The following COX5A variants were observed in gnomAD, a reference collection of about 807,000 sequenced individuals.
COX5A encodes the protein cytochrome c oxidase subunit 5A, mitochondrial.
In COX5A, 6 loss-of-function variants were observed where a neutral mutation model predicts 16.1. The ratio of observed to expected loss-of-function variants is 0.37; its 90% CI spans 0.20 to 0.73. The LOEUF (loss-of-function observed/expected upper bound fraction) is 0.73. COX5A is among the 30% of genes least tolerant of loss of function. COX5A has a pLI of 0.50. For missense variants in COX5A, 159 were observed against 194.9 expected (o/e 0.82, Z 1.10); for synonymous variants, 73 against 73.8 (o/e 0.99, Z 0.06).
At chr15:74,935,837 G>A (rs994730144) in intron 1 of COX5A, among the ~76,000 whole-genome samples, 7 of 151,788 alleles carry the variant, frequency 4.6e-5, no homozygotes, top group Non-Finnish European at 1.0e-4. Flanking sequence ...TAATCTACCC[G>A]CCACAACCTC....
intron 4 of COX5A, 35 bp downstream of exon 4, chr15:74,923,609 GGATT>G: frequency 8.3e-7 from 1 of 1,210,676 alleles, no homozygotes; most frequent in South Asian, 1.2e-5. Context: ...ACACCTCTCT[GGATT>G]GTTTTCCTGC....
At chr15:74,928,632 A>G (rs575505904) in intron 2 of COX5A, among the ~76,000 whole-genome samples, 1 of 152,218 alleles carries the variant, frequency 6.6e-6, no homozygotes, top group South Asian at 2.1e-4. Flanking sequence ...TGATCCGCCC[A>G]CCCTGGCCTC....
chr15:74,922,804 T>C (rs899841230), intron 4 of COX5A, among the ~76,000 whole-genome samples: 3 of 151,862 alleles, frequency 2.0e-5, no homozygotes, highest in African/African-American at 4.8e-5. Flanking sequence ...TAGCTGGGAC[T>C]ACAGGCACAT....
chr15:74,927,427 G>A (rs970774771), intron 2 of COX5A, among the ~76,000 whole-genome samples: 10 of 151,872 alleles, frequency 6.6e-5, no homozygotes, highest in East Asian at 3.9e-4. Context: ...CACCTGCCTC[G>A]GCCTCCCAAA....
intron 1 of COX5A, among the ~76,000 whole-genome samples, chr15:74,936,713 G>A (rs957443821): frequency 3.0e-5 from 4 of 134,818 alleles, no homozygotes; most frequent in Non-Finnish European, 4.5e-5. Flanking sequence ...TGCAACCTCC[G>A]CCTCTCAGGT....
chr15:74,927,790 C>G (rs543021993), intron 2 of COX5A, among the ~76,000 whole-genome samples: 19 of 151,780 alleles, frequency 1.3e-4, no homozygotes, highest in Non-Finnish European at 2.8e-4. Context: ...ACAAAACAAA[C>G]AAACAAAAAA....
At chr15:74,923,516 A>T (rs2065330819) in intron 4 of COX5A, 132 bp downstream of exon 4, 1 of 527,658 alleles carries the variant, frequency 1.9e-6, no homozygotes, top group Non-Finnish European at 3.4e-6. Flanking sequence ...TGGTATTCTC[A>T]AAATCTCTTC....
chr15:74,925,869 T>C (rs1478616363), intron 3 of COX5A, among the ~76,000 whole-genome samples: 3 of 151,230 alleles, frequency 2.0e-5, no homozygotes, highest in African/African-American at 7.3e-5. Context: ...TAAATTCCTT[T>C]CTTTTTTTTT....
chr15:74,922,080 A>G (rs2065323768), intron 4 of COX5A, among the ~76,000 whole-genome samples: 1 of 152,182 alleles, frequency 6.6e-6, no homozygotes, highest in Admixed American at 6.5e-5. Context: ...CCACTCCGTT[A>G]AAGCAAGCTT....
chr15:74,926,024 C>T (rs2065341564), intron 3 of COX5A, among the ~76,000 whole-genome samples: 1 of 149,952 alleles, frequency 6.7e-6, no homozygotes, highest in South Asian at 2.1e-4. Context: ...TGCCACCATG[C>T]CCAGCTAATT....
chr15:74,924,384 AAAATTTGCTGGGTGTG>A (rs1323398013), intron 3 of COX5A, among the ~76,000 whole-genome samples: 9 of 151,812 alleles, frequency 5.9e-5, no homozygotes, highest in Non-Finnish European at 1.3e-4. Context: ...TAAAAATACA[AAAATTTGCTGGGTGTG>A]GTGGCACGCC....
At chr15:74,926,001 G>A (rs1158360000) in intron 3 of COX5A, among the ~76,000 whole-genome samples, 1 of 149,894 alleles carries the variant, frequency 6.7e-6, no homozygotes, top group African/African-American at 2.5e-5. Context: ...AAGTAGCTGG[G>A]ATTACAGGCA....
rs1055764593 is a variant in COX5A, at chr15:74,923,597, C to T, written c.*9+51G>A. 5.6e-6 allele frequency: 6 copies of T among 1,070,224 alleles called. No homozygotes were observed. The African/African-American group carries it at 9.4e-5, about 17-fold the overall frequency. 66.3% of individuals were successfully genotyped at this position (1,070,224 alleles called of 1,614,324 possible). ...TATAGCACACTGAAATGTCATCCAC[C>T]CACACCTCTCTGGATTGTTTTCCTG... On this transcript the variant is annotated intron_variant, in intron 4 of 4. Coordinates refer to ENST00000322347, the MANE Select transcript of COX5A (RefSeq NM_004255.4).
At chr15:74,922,241 C>T (rs1014248341) in intron 4 of COX5A, among the ~76,000 whole-genome samples, 11 of 151,730 alleles carry the variant, frequency 7.2e-5, no homozygotes, top group African/African-American at 9.7e-5. Context: ...AAAAATTAGC[C>T]GGGCATGGTG....
At chr15:74,922,317 CG>C in intron 4 of COX5A, among the ~76,000 whole-genome samples, 1 of 148,698 alleles carries the variant, frequency 6.7e-6, no homozygotes, top group Non-Finnish European at 1.5e-5. Context: ...ACCCGGGAGG[CG>C]GAAGTTCAGT....
chr15:74,936,162 G>A (rs927013632), intron 1 of COX5A, among the ~76,000 whole-genome samples: 1 of 151,926 alleles, frequency 6.6e-6, no homozygotes, highest in Admixed American at 6.6e-5. Context: ...ATGGTGGCAG[G>A]TGCCTGTAAC....
chr15:74,926,032 ATTTTTTTTTTTTT>A (rs755631696), intron 3 of COX5A, among the ~76,000 whole-genome samples: 1 of 107,664 alleles, frequency 9.3e-6, no homozygotes, highest in African/African-American at 3.7e-5. Context: ...TGCCCAGCTA[ATTTTTTTTTTTTT>A]TTTTTTTTTT....
At chr15:74,933,473 A>G (rs943573305) in intron 1 of COX5A, among the ~76,000 whole-genome samples, 1 of 151,838 alleles carries the variant, frequency 6.6e-6, no homozygotes, top group Non-Finnish European at 1.5e-5. Context: ...CTATGTAAAA[A>G]CATAGATTAG....
intron 4 of COX5A, among the ~76,000 whole-genome samples, chr15:74,921,037 A>G (rs2065317442): frequency 6.6e-6 from 1 of 152,208 alleles, no homozygotes; most frequent in Non-Finnish European, 1.5e-5. Flanking sequence ...CCTACATAAA[A>G]AAGATCTTCT....
Sources: gnomAD v4.1 joint callset for allele counts (sites outside exome capture counted in the v4.1 genomes callset) on GRCh38, gnomAD v4.1.1 for gene constraint, MANE v1.5 for transcripts, NCBI Gene and HGNC (gene_info 2026-07-23, HGNC 2026-07-21) for gene names.